The following HMGCLL1 variants were observed in gnomAD, a reference collection of about 807,000 sequenced individuals.
The protein encoded by HMGCLL1 is 3-hydroxy-3-methylglutaryl-CoA lyase like 1, also known as 3-hydroxymethyl-3-methylglutaryl-CoA lyase, cytoplasmic.
In HMGCLL1, 36 loss-of-function variants were observed where a neutral mutation model predicts 39.1. That is an observed-to-expected ratio of 0.92 (90% confidence interval 0.71 to 1.22). The LOEUF (loss-of-function observed/expected upper bound fraction) is 1.22, where lower values mean the gene tolerates loss of function less well. Among genes scored for constraint, HMGCLL1 ranks in the 50% most tolerant of loss-of-function variants. The pLI, the probability that HMGCLL1 is intolerant of heterozygous loss-of-function variation, is 0.00. For synonymous variants in HMGCLL1, 149 were observed against 144.0 expected (o/e 1.03, Z -0.25); for missense variants, 451 against 416.5 (o/e 1.08, Z -0.72).
At chr6:55,531,273 T>C (rs1768652187) in intron 3 of HMGCLL1, among the ~76,000 whole-genome samples, 1 of 152,056 alleles carries the variant, frequency 6.6e-6, no homozygotes, top group African/African-American at 2.4e-5. Flanking sequence ...TAAAATAATA[T>C]CAACAATGTT....
chr6:55,581,993 T>C (rs1023326130), upstream of HMGCLL1, among the ~76,000 whole-genome samples: 4 of 152,220 alleles, frequency 2.6e-5, no homozygotes, highest in Non-Finnish European at 5.9e-5. Flanking sequence ...CCCACCAATC[T>C]GTCAACAAGT....
intron 1 of HMGCLL1, among the ~76,000 whole-genome samples, chr6:55,543,430 ATATATCATATATGATATATATG>A (rs1202555099): frequency 0.02 from 1,384 of 69,378 alleles, 48 homozygotes; most frequent in African/African-American, 0.084. Context: ...GATATATATC[ATATATCATATATGATATATATG>A]ATATATATCA....
At chr6:55,510,056 A>T (rs1027268206) in intron 5 of HMGCLL1, among the ~76,000 whole-genome samples, 1 of 152,008 alleles carries the variant, frequency 6.6e-6, no homozygotes, top group Non-Finnish European at 1.5e-5. Flanking sequence ...TTAGTTGAAA[A>T]AAATTCAACC....
the HMGCLL1 span, among the ~76,000 whole-genome samples, chr6:55,614,882 C>T: frequency 1.3e-5 from 2 of 151,982 alleles, no homozygotes; most frequent in African/African-American, 4.8e-5. Context: ...AGGCTGGGTG[C>T]AGAGCCTCAT....
chr6:55,445,976 G>C (rs1198843166), intron 7 of HMGCLL1, among the ~76,000 whole-genome samples: 1 of 151,918 alleles, frequency 6.6e-6, no homozygotes, highest in African/African-American at 2.4e-5. Flanking sequence ...CTTACTAAAG[G>C]TGTAGAACAC....
rs1765486352 is a variant in HMGCLL1 at position 55,477,393 on chromosome 6, AAT to A, written c.795+18024_795+18025del. ...AATATAATATATATTATCTAAATAT[AAT>A]ATATATTATCTAAATATATATTATC... On this transcript the variant is annotated intron_variant, in intron 7 of 8. Coordinates refer to ENST00000274901, the MANE Select transcript of HMGCLL1 (RefSeq NM_001042406.2). Among the ~76,000 whole-genome samples, 2 of 40,428 alleles carry A rather than the reference AAT, an allele frequency of 4.9e-5. 1 individual carries two copies. Among genetic ancestry groups the A allele is most frequent in the Non-Finnish European group, 8.1e-5 (2 of 24,834 alleles). 26.5% of individuals were successfully genotyped at this position (40,428 alleles called of 152,430 possible).
At chr6:55,479,255 G>A (rs755721695) in intron 7 of HMGCLL1, among the ~76,000 whole-genome samples, 1 of 151,434 alleles carries the variant, frequency 6.6e-6, no homozygotes, top group African/African-American at 2.4e-5. Context: ...TAACTGTCAG[G>A]CAGTCTAGTA....
chr6:55,563,987 G>A (rs1361075783), intron 1 of HMGCLL1: 7 of 675,920 alleles, frequency 1.0e-5, no homozygotes, highest in African/African-American at 5.6e-5. Context: ...CATTCAGCAC[G>A]TGCAGTTTTT....
chr6:55,507,984 T>C (rs943265132), intron 5 of HMGCLL1, among the ~76,000 whole-genome samples: 1 of 151,708 alleles, frequency 6.6e-6, no homozygotes, highest in African/African-American at 2.4e-5. Flanking sequence ...GTCCAGTTGA[T>C]TGATGAGTGA....
At chr6:55,665,114 TC>T in the HMGCLL1 span, among the ~76,000 whole-genome samples, 1 of 151,784 alleles carries the variant, frequency 6.6e-6, no homozygotes, top group South Asian at 2.1e-4. Context: ...AGGAATCATT[TC>T]CCCTCCCTGC....
At chr6:55,636,896 G>A in the HMGCLL1 span, among the ~76,000 whole-genome samples, 5 of 152,034 alleles carry the variant, frequency 3.3e-5, no homozygotes, top group South Asian at 2.1e-4. Flanking sequence ...AGTATAGGAC[G>A]GTACAAAGGG....
chr6:55,591,413 G>C, the HMGCLL1 span, among the ~76,000 whole-genome samples: 2 of 151,866 alleles, frequency 1.3e-5, no homozygotes, highest in African/African-American at 2.4e-5. Flanking sequence ...CTTGCAGAGG[G>C]GCACTTCATC....
intron 6 of HMGCLL1, 137 bp downstream of exon 6, chr6:55,499,099 T>C (rs1002808245): frequency 3.5e-6 from 2 of 576,826 alleles, no homozygotes; most frequent in Non-Finnish European, 5.9e-6. Context: ...AGTTAAGTGA[T>C]CAAATATGTC....
chr6:55,608,447 A>AT, the HMGCLL1 span, among the ~76,000 whole-genome samples: 1 of 152,212 alleles, frequency 6.6e-6, no homozygotes, highest in Non-Finnish European at 1.5e-5. Flanking sequence ...AGAATCAGGC[A>AT]TTTTTCAGTT....
At chr6:55,519,365 A>G (rs1767915618) in intron 3 of HMGCLL1, among the ~76,000 whole-genome samples, 1 of 152,140 alleles carries the variant, frequency 6.6e-6, no homozygotes, top group Non-Finnish European at 1.5e-5. Flanking sequence ...ACAGTGGCTA[A>G]TAACACAGAG....
Position 55,543,157 on chromosome 6 carries a change from T to TATATATAA in HMGCLL1, c.109-1018_109-1017insTTATATAT, listed in dbSNP as rs1561950383. ...TATGATATATTATATATTATATATATTATATATATAATATATAATATATAA... is the reference window on the plus strand; with the variant it reads ...TATGATATATTATATATTATATATATATATATAATATATATATAATATATAATATATAA... On this transcript the variant is annotated intron_variant, in intron 1 of 8. Coordinates refer to ENST00000274901, the MANE Select transcript of HMGCLL1 (RefSeq NM_001042406.2). Among the ~76,000 whole-genome samples, 10 of 6,610 alleles carry TATATATAA rather than the reference T, an allele frequency of 1.5e-3. 1 individual carries two copies. Among genetic ancestry groups the TATATATAA allele is most frequent in the Non-Finnish European group, 3.0e-3 (8 of 2,694 alleles). The allele number at this position is 6,610 out of a possible 152,430, so 4.3% of individuals were successfully genotyped here. A position where few individuals can be genotyped will look rare whatever the true frequency, so the allele number is the denominator to read the frequency against.
intron 1 of HMGCLL1, among the ~76,000 whole-genome samples, chr6:55,550,519 T>C (rs1292955829): frequency 6.6e-6 from 1 of 151,890 alleles, no homozygotes; most frequent in Non-Finnish European, 1.5e-5. Flanking sequence ...TTGAATCCAA[T>C]GGCAATAACG....
Position 55,492,056 on chromosome 6 carries a change from G to C in HMGCLL1, c.795+3363C>G, listed in dbSNP as rs1167702846. On this transcript the variant is annotated intron_variant, in intron 7 of 8. Transcript: ENST00000274901. Reference sequence around the variant, plus strand: ...CTTTCATTTGTTTCCTATCATTGTGGCTAAGTTTCCACTTATTACATGTCT... The same window carrying C: ...CTTTCATTTGTTTCCTATCATTGTGCCTAAGTTTCCACTTATTACATGTCT... 2.0e-5 allele frequency among the ~76,000 whole-genome samples: 3 copies of C among 152,138 alleles called. No individual in the cohort carries two copies. In the East Asian group the frequency reaches 5.8e-4, roughly 29 times the overall value.
chr6:55,655,536 G>GTAGATAGATAGATGA, the HMGCLL1 span, among the ~76,000 whole-genome samples: 140 of 147,734 alleles, frequency 9.5e-4, no homozygotes, highest in Non-Finnish European at 1.8e-3. Flanking sequence ...AGTTATATTG[G>GTAGATAGATAGATGA]TAGATAGATA....
Sources: gnomAD v4.1 joint callset for allele counts (sites outside exome capture counted in the v4.1 genomes callset) on GRCh38, gnomAD v4.1.1 for gene constraint, MANE v1.5 for transcripts, NCBI Gene and HGNC (gene_info 2026-07-23, HGNC 2026-07-21) for gene names.